The following GPT variants were observed in gnomAD, a reference collection of about 807,000 sequenced individuals.
The protein encoded by GPT is alanine aminotransferase 1.
Under a neutral mutation model 51.4 loss-of-function variants are expected in GPT, and 60 were observed. That is an observed-to-expected ratio of 1.17 (90% CI 0.95 to 1.45). The LOEUF is 1.45. Among genes scored for constraint, GPT ranks in the 40% most tolerant of loss-of-function variants. The pLI, the probability that GPT is intolerant of heterozygous loss-of-function variation, is 0.00. For synonymous variants in GPT, 397 were observed against 303.1 expected (o/e 1.31, Z -3.22); for missense variants, 853 against 704.0 (o/e 1.21, Z -2.40).
rs1218172872 is a variant in GPT at position 144,504,863 on chromosome 8, T to G, written c.345T>G (p.Cys115Trp). The change falls in exon 3 of 11, where the codon TGT (cysteine) becomes TGG (tryptophan). Residue 115 changes from cysteine to tryptophan, a missense_variant. Transcript: ENST00000394955. ...GGGCGGAGCGCATCTTGCAGGCGTG[T>G]GGGGGCCACAGTCTGGGTGAGAGCC... ...KKRAERILQA[C>W]GGHSLGAYSV... 2 of 1,613,026 alleles carry G rather than the reference T, an allele frequency of 1.2e-6. No homozygotes were observed. Among genetic ancestry groups the G allele is most frequent in the African/African-American group, 1.3e-5 (1 of 74,876 alleles).
intron 2 of GPT, 26 bp downstream of exon 2, chr8:144,504,719 A>G (rs1253621870): frequency 5.6e-6 from 9 of 1,604,614 alleles, no homozygotes; most frequent in Non-Finnish European, 7.7e-6. Flanking sequence ...TGCCCGGAGC[A>G]CCCCCCCACC....
chr8:144,505,837 C>T lies in GPT; in HGVS notation c.740-11C>T, dbSNP rs764483815. ...GGCTCACCCAGCACTGCTGCCTCCCCGGCACCCCAGGGCAGGTGCAGACCC... is the reference window on the plus strand; with the variant it reads ...GGCTCACCCAGCACTGCTGCCTCCCTGGCACCCCAGGGCAGGTGCAGACCC... On this transcript the variant is annotated splice_polypyrimidine_tract_variant and intron_variant, in intron 5 of 10. Coordinates refer to ENST00000394955, the MANE Select transcript of GPT (RefSeq NM_005309.3). The T allele has an allele frequency of 1.6e-5, 24 of 1,544,282 alleles. No homozygotes were observed. The highest frequency in any genetic ancestry group is 4.7e-5 in the South Asian group (4 of 84,346).
rs1429695705 is a variant in GPT at position 144,506,724 on chromosome 8, T to C, written c.1288-7T>C. ...GGCATCCCTCTCTGACGGCTCTCCG[T>C]CCACAGGAGCTGGGCCTGGCCCCCG... is the stretch of plus-strand genomic sequence containing the variant. On this transcript the variant is annotated splice_polypyrimidine_tract_variant and splice_region_variant and intron_variant, in intron 9 of 10. Transcript: ENST00000394955. The surrounding 1 kb of genome is among the most constrained non-coding windows in gnomAD (Gnocchi z 7.0). 6.2e-7 allele frequency: 1 copy of C among 1,610,488 alleles called. No individual in the cohort carries two copies. The highest frequency in any genetic ancestry group is 8.5e-7 in the Non-Finnish European group (1 of 1,179,428).
upstream of GPT, chr8:144,504,081 C>T (rs1203081235): frequency 1.7e-6 from 1 of 604,078 alleles, no homozygotes; most frequent in East Asian, 2.8e-5. Flanking sequence ...GAGCTGTTCC[C>T]AGACGGGTGG....
rs1396515211 is a variant in GPT at position 144,504,711 on chromosome 8, C to T, written c.252+18C>T. On this transcript the variant is annotated intron_variant, in intron 2 of 10. Coordinates refer to ENST00000394955, the MANE Select transcript of GPT (RefSeq NM_005309.3). ...TGCGCCAGGTGAGGCTCCTGCACTG[C>T]CCGGAGCACCCCCCCACCCCCAGCC... is the stretch of plus-strand genomic sequence containing the variant. 1 of 1,611,544 alleles carries T rather than the reference C, an allele frequency of 6.2e-7. No individual in the cohort carries two copies. The highest frequency in any genetic ancestry group is 1.1e-5 in the South Asian group (1 of 91,048).
Position 144,507,114 on chromosome 8 carries a change from G to GGGGGGGGGGGGGGGGCCC in GPT, c.*114_*115insGGGGGGGGGGGGGGGCCC. The GGGGGGGGGGGGGGGGCCC allele has an allele frequency of 6.0e-6, 3 of 498,330 alleles. No individual in the cohort carries two copies. The highest frequency in any genetic ancestry group is 7.9e-6 in the Non-Finnish European group (2 of 254,518). 30.9% of individuals were successfully genotyped at this position (498,330 alleles called of 1,614,324 possible). On this transcript the variant is annotated 3_prime_UTR_variant, in exon 11 of 11. Coordinates refer to ENST00000394955, the MANE Select transcript of GPT (RefSeq NM_005309.3). The stretch of plus-strand genomic sequence containing the variant: ...TGCCTGGCGGGGTGGGGTGGGGGGG[G>GGGGGGGGGGGGGGGGCCC]TGCTGGGCCCCTGCCTCTCTGCAGG...
rs200028932 is a variant in GPT, at chr8:144,504,409, C to T, written c.105C>T (p.Tyr35=). The T allele has an allele frequency of 8.6e-5, 139 of 1,611,556 alleles. 1 individual carries two copies. In the South Asian group the frequency reaches 1.3e-3, roughly 15 times the overall value. ...GMNPRVRRVE[Y]AVRGPIVQRA... The stretch of plus-strand genomic sequence containing the variant: ...ACCCGCGTGTGCGGAGAGTGGAGTA[C>T]GCAGTGCGTGGCCCCATAGTGCAGC... The change falls in exon 1 of 11, where the codon TAC becomes TAT. Residue 35 remains tyrosine, a synonymous_variant. Transcript: ENST00000394955.
chr8:144,505,200 G>A, intron 4 of GPT, 46 bp from the exon 5 acceptor site: 2 of 1,612,300 alleles, frequency 1.2e-6, no homozygotes, highest in Admixed American at 1.7e-5. Context: ...GGGGACAGGT[G>A]CGGCCCCAGG....
chr8:144,504,910 G>A, intron 3 of GPT, 31 bp downstream of exon 3: 2 of 1,612,538 alleles, frequency 1.2e-6, no homozygotes, highest in East Asian at 2.2e-5. Context: ...GAAGCAGAGG[G>A]CCGCCCTGCC....
chr8:144,507,069 C>G lies in GPT; in HGVS notation c.*69C>G. On this transcript the variant is annotated 3_prime_UTR_variant, in exon 11 of 11. Coordinates refer to ENST00000394955, the MANE Select transcript of GPT (RefSeq NM_005309.3). ...TCAGGAGCCCTGGGAGGCTCTGGAG[C>G]CCACTGTACTTGCTCTTGATGCCTG... 1.0e-6 allele frequency: 1 copy of G among 1,002,598 alleles called. No homozygotes were observed. Among genetic ancestry groups the G allele is most frequent in the South Asian group, 1.3e-5 (1 of 77,958 alleles). The allele number at this position is 1,002,598 out of a possible 1,614,324, so 62.1% of individuals were successfully genotyped here.
chr8:144,505,503 C>T lies in GPT; in HGVS notation c.739+14C>T, dbSNP rs779099164. On this transcript the variant is annotated intron_variant, in intron 5 of 10. Coordinates refer to ENST00000394955, the MANE Select transcript of GPT (RefSeq NM_005309.3). ...GCAACCCCACCGGTGCGTTCCCCGC[C>T]GCCCCGCCCCACTCCCCCCGCGCCC... 23 of 1,535,422 alleles carry T rather than the reference C, an allele frequency of 1.5e-5. No homozygotes were observed. Among genetic ancestry groups the T allele is most frequent in the African/African-American group, 2.8e-5 (2 of 71,478 alleles).
chr8:144,506,242 C>T lies in GPT; in HGVS notation c.967C>T (p.Arg323Cys), dbSNP rs141381983. 11 of 1,606,834 alleles carry T rather than the reference C, an allele frequency of 6.8e-6. No homozygotes were observed. In the Admixed American group the frequency reaches 1.7e-4, roughly 24 times the overall value. The stretch of plus-strand genomic sequence containing the variant: ...CCTGGCCGTGCGCAGGTGCGGGTTC[C>T]GCGGCGGCTATGTGGAGGTGGTGAA... ...SKGYMGECGF[R>C]GGYVEVVNMD... The change falls in exon 8 of 11, where the codon CGC becomes TGC. Residue 323 changes from arginine to cysteine, a missense_variant. Transcript: ENST00000394955. The surrounding 1 kb of genome is among the most constrained non-coding windows in gnomAD (Gnocchi z 7.0).
In GPT at chr8:144,505,449, C is replaced by T. The variant is rs1826750206; in HGVS notation, c.699C>T (p.Arg233=). Residue 233 remains arginine (R), a synonymous_variant, in exon 5 of 11, where the codon CGC becomes CGT. Coordinates refer to ENST00000394955, the MANE Select transcript of GPT (RefSeq NM_005309.3). The part of the protein sequence containing the change: ...RALGQARDHC[R]PRALCVINPG... ...TGGGCCAGGCGCGTGACCACTGCCG[C>T]CCTCGTGCGCTCTGTGTCATCAACC... The T allele has an allele frequency of 6.3e-7, 1 of 1,597,132 alleles. No homozygotes were observed. Among genetic ancestry groups the T allele is most frequent in the South Asian group, 1.1e-5 (1 of 88,256 alleles).
At chr8:144,503,763 C>A (rs1386383601), upstream of GPT, 1 of 163,230 alleles carries the variant, frequency 6.1e-6, no homozygotes, top group African/African-American at 2.4e-5. Flanking sequence ...GAGGGCCAGG[C>A]CTCGGCCAAG....
In GPT at chr8:144,504,318, C is replaced by T. The variant is rs1189921966; in HGVS notation, c.14C>T (p.Thr5Ile). The change falls in exon 1 of 11, where the codon ACA (threonine) becomes ATA (isoleucine). Residue 5 changes from threonine (T) to isoleucine (I), a missense_variant. Thr to Ile is a moderately conservative substitution (Grantham distance 89). Transcript: ENST00000394955. ...CTGGGTAGAGTCATGGCCTCGAGCA[C>T]AGGTGACCGGAGCCAGGCGGTGAGG... MASS[T>I]GDRSQAVRHG... The T allele has an allele frequency of 1.2e-6, 2 of 1,609,572 alleles. No individual in the cohort carries two copies. The highest frequency in any genetic ancestry group is 2.2e-5 in the East Asian group (1 of 44,888).
rs1424818563 is a variant in GPT at position 144,506,938 on chromosome 8, C to G, written c.1429C>G (p.Leu477Val). The G allele has an allele frequency of 1.2e-6, 2 of 1,612,914 alleles. No homozygotes were observed. The highest frequency in any genetic ancestry group is 2.7e-5 in the African/African-American group (2 of 75,050). Residue 477 changes from leucine (L) to valine (V), a missense_variant, in exon 11 of 11, where the codon CTG becomes GTG. Physicochemically the swap from Leu to Val is conservative, Grantham distance 32. Coordinates refer to ENST00000394955, the MANE Select transcript of GPT (RefSeq NM_005309.3). The surrounding 1 kb of genome is among the most constrained non-coding windows in gnomAD (Gnocchi z 7.0). ...RMTILPPLEK[L>V]RLLLEKLSRF... The stretch of plus-strand genomic sequence containing the variant: ...GACCATTCTGCCCCCCTTGGAGAAA[C>G]TGCGGCTGCTGCTGGAGAAGCTGAG...
In GPT at chr8:144,504,634, C is replaced by T. The variant is rs531504907; in HGVS notation, c.193C>T (p.Arg65Cys). The change falls in exon 2 of 11, where the codon CGT becomes TGT. Residue 65 changes from arginine to cysteine, a missense_variant. Arg to Cys is a radical substitution (Grantham distance 180). Coordinates refer to ENST00000394955, the MANE Select transcript of GPT (RefSeq NM_005309.3). ...GVKKPFTEVI[R>C]ANIGDAQAMG... ...GAAGAAGCCTTTCACCGAGGTCATC[C>T]GTGCCAACATCGGGGACGCACAGGC... is the stretch of plus-strand genomic sequence containing the variant. 2.0e-4 allele frequency: 318 copies of T among 1,613,296 alleles called. No homozygotes were observed. The highest frequency in any genetic ancestry group is 1.1e-3 in the South Asian group (99 of 91,088).
Position 144,506,850 on chromosome 8 carries a change from C to T in GPT, c.1400+7C>T, listed in dbSNP as rs756004927. On this transcript the variant is annotated splice_region_variant and intron_variant, in intron 10 of 10. Coordinates refer to ENST00000394955, the MANE Select transcript of GPT (RefSeq NM_005309.3). This position sits in a 1 kb window ranked among gnomAD's most constrained non-coding sequence, Gnocchi z 7.0. ...AAGGCACCTACCACTTCCGGTGAGGCCTGGCCCTCACTCCCTGTCCCGCCA... is the reference window on the plus strand; with the variant it reads ...AAGGCACCTACCACTTCCGGTGAGGTCTGGCCCTCACTCCCTGTCCCGCCA... 1 of 1,611,616 alleles carries T rather than the reference C, an allele frequency of 6.2e-7. No individual in the cohort carries two copies. Among genetic ancestry groups the T allele is most frequent in the East Asian group, 2.2e-5 (1 of 44,892 alleles).
In GPT at chr8:144,506,015, C is replaced by T. The variant is rs770588636; in HGVS notation, c.840C>T (p.Tyr280=). The T allele has an allele frequency of 3.4e-5, 55 of 1,612,304 alleles. No individual in the cohort carries two copies. The Admixed American group carries it at 6.2e-4, about 18-fold the overall frequency. ...LADEVYQDNV[Y]AAGSQFHSFK... ...TCCAGGTGTACCAGGACAACGTGTA[C>T]GCCGCGGGTTCGCAGTTCCACTCAT... is the stretch of plus-strand genomic sequence containing the variant. The change falls in exon 7 of 11, where the codon TAC becomes TAT. Residue 280 remains tyrosine (Y), a synonymous_variant. Coordinates refer to ENST00000394955, the MANE Select transcript of GPT (RefSeq NM_005309.3). The surrounding 1 kb of genome is among the most constrained non-coding windows in gnomAD (Gnocchi z 7.0).
Sources: allele counts gnomAD v4.1 joint callset, GRCh38; gene constraint gnomAD v4.1.1; non-coding constraint Gnocchi (gnomAD v3.1); transcripts MANE v1.5; gene names NCBI Gene and HGNC (gene_info 2026-07-23, HGNC 2026-07-21).